PRR16: variants seen among roughly 807,000 people sequenced by gnomAD.
PRR16 encodes the protein proline rich 16, also known as protein Largen.
A neutral mutation model predicts 18.2 loss-of-function variants in PRR16; 6 were observed. That is an observed-to-expected ratio of 0.33 (90% CI 0.18 to 0.65). The LOEUF is 0.65. Ranked by LOEUF, PRR16 falls within the 30% of genes least tolerant of loss-of-function variation. The pLI is 0.74. For missense variants in PRR16, 412 were observed against 376.6 expected (o/e 1.09, Z -0.78); for synonymous variants, 151 against 147.8 (o/e 1.02, Z -0.16).
intron 1 of PRR16, among the ~76,000 whole-genome samples, chr5:120,652,234 G>T: frequency 6.6e-6 from 1 of 151,888 alleles, no homozygotes; most frequent in East Asian, 1.9e-4. Context: ...TGGTGTCTAT[G>T]TTTTTTTTGT....
intron 1 of PRR16, among the ~76,000 whole-genome samples, chr5:120,667,894 T>A (rs563627469): frequency 6.6e-6 from 1 of 152,162 alleles, no homozygotes. Context: ...AGTTTTGGAA[T>A]AGGTGTGGTG....
intron 1 of PRR16, among the ~76,000 whole-genome samples, chr5:120,578,092 G>T (rs2112748654): frequency 6.6e-6 from 1 of 152,132 alleles, no homozygotes; most frequent in East Asian, 1.9e-4. Flanking sequence ...ACAGAAAATA[G>T]AAAAGAAACA....
At chr5:120,551,985 A>G (rs1183712085) in intron 1 of PRR16, among the ~76,000 whole-genome samples, 2 of 151,932 alleles carry the variant, frequency 1.3e-5, no homozygotes, top group African/African-American at 4.8e-5. Flanking sequence ...CCAGAAAATA[A>G]CTTTCTTGCT....
intron 1 of PRR16, among the ~76,000 whole-genome samples, chr5:120,664,097 G>C (rs904111547): frequency 6.6e-6 from 1 of 151,968 alleles, no homozygotes; most frequent in African/African-American, 2.4e-5. Context: ...TCATGAGTTC[G>C]AGACCAGCCT....
intron 1 of PRR16, 79 bp downstream of exon 1, chr5:120,464,724 C>A: frequency 7.2e-7 from 1 of 1,390,510 alleles, no homozygotes. Flanking sequence ...TCAGCAGGGA[C>A]AGCCAGATTT....
the PRR16 span, among the ~76,000 whole-genome samples, chr5:120,754,554 ATATAT>A: frequency 2.8e-5 from 2 of 70,344 alleles, no homozygotes; most frequent in Middle Eastern, 0.017. Flanking sequence ...TATATATAAT[ATATAT>A]TATATAATAT....
At chr5:120,565,669 A>G (rs1327110417) in intron 1 of PRR16, among the ~76,000 whole-genome samples, 2 of 152,226 alleles carry the variant, frequency 1.3e-5, no homozygotes, top group Non-Finnish European at 2.9e-5. Context: ...AATAAATAAT[A>G]CATGCTACTA....
chr5:120,474,987 G>C (rs1342300359), intron 1 of PRR16, among the ~76,000 whole-genome samples: 1 of 152,146 alleles, frequency 6.6e-6, no homozygotes. Context: ...AGAGAATTTA[G>C]AATGGTTTCA....
chr5:120,580,706 C>T (rs1251231754), intron 1 of PRR16, among the ~76,000 whole-genome samples: 3 of 152,106 alleles, frequency 2.0e-5, no homozygotes, highest in Non-Finnish European at 4.4e-5. Flanking sequence ...CTGCCCACCT[C>T]AGCCTCCTAA....
chr5:120,505,778 A>G (rs1037429179), intron 1 of PRR16, among the ~76,000 whole-genome samples: 2 of 151,996 alleles, frequency 1.3e-5, no homozygotes, highest in Non-Finnish European at 2.9e-5. Context: ...ATTATTTAGC[A>G]TGTCTACTTT....
At chr5:120,492,992 G>A (rs933767008) in intron 1 of PRR16, among the ~76,000 whole-genome samples, 1 of 152,076 alleles carries the variant, frequency 6.6e-6, no homozygotes, top group Admixed American at 6.6e-5. Context: ...CCACATCCTC[G>A]GAATTGTTAA....
At chr5:120,577,047 CG>C (rs1753102217) in intron 1 of PRR16, among the ~76,000 whole-genome samples, 1 of 151,836 alleles carries the variant, frequency 6.6e-6, no homozygotes, top group African/African-American at 2.4e-5. Context: ...CGTTTTCCAA[CG>C]CTGAAAGATT....
chr5:120,622,866 A>G (rs976730504), intron 1 of PRR16, among the ~76,000 whole-genome samples: 3 of 137,288 alleles, frequency 2.2e-5, no homozygotes, highest in Non-Finnish European at 4.5e-5. Context: ...TTAAAAGACT[A>G]TGTGTCAAAA....
At chr5:120,485,803 C>T (rs552373431) in intron 1 of PRR16, among the ~76,000 whole-genome samples, 57 of 152,252 alleles carry the variant, frequency 3.7e-4, no homozygotes, top group African/African-American at 1.2e-3. Context: ...TCCTGCCTCC[C>T]CCGACCCCAC....
intron 1 of PRR16, among the ~76,000 whole-genome samples, chr5:120,495,113 C>T (rs1379588191): frequency 6.6e-6 from 1 of 151,832 alleles, no homozygotes; most frequent in Non-Finnish European, 1.5e-5. Context: ...CTAATTGTGT[C>T]AATATCTACT....
chr5:120,474,618 G>A (rs72786248), intron 1 of PRR16, among the ~76,000 whole-genome samples: 15,630 of 146,998 alleles, frequency 0.11, 974 homozygotes, highest in South Asian at 0.18. Context: ...CCCATTATCT[G>A]TATTTTTCTT....
At chr5:120,737,363 A>ATT in the PRR16 span, among the ~76,000 whole-genome samples, 4 of 42,560 alleles carry the variant, frequency 9.4e-5, no homozygotes, top group African/African-American at 2.6e-4. Flanking sequence ...AATTTTGTCA[A>ATT]TTTTTTTTTG....
At chr5:120,574,574 C>T (rs1038202884) in intron 1 of PRR16, among the ~76,000 whole-genome samples, 1 of 136,306 alleles carries the variant, frequency 7.3e-6, no homozygotes. Flanking sequence ...TGCACTCCAA[C>T]CTGGGAAAGA....
At chr5:120,501,341 C>G (rs1198436081) in intron 1 of PRR16, among the ~76,000 whole-genome samples, 1 of 152,062 alleles carries the variant, frequency 6.6e-6, no homozygotes, top group Non-Finnish European at 1.5e-5. Flanking sequence ...GTATATCCAT[C>G]AAAAGCTTAA....
Sources: gnomAD v4.1 joint callset for allele counts (sites outside exome capture counted in the v4.1 genomes callset) on GRCh38, gnomAD v4.1.1 for gene constraint, MANE v1.5 for transcripts, NCBI Gene and HGNC (gene_info 2026-07-23, HGNC 2026-07-21) for gene names.